The following CBLB variants were observed in gnomAD, a reference collection of about 807,000 sequenced individuals.
CBLB encodes E3 ubiquitin-protein ligase CBL-B.
Under a neutral mutation model 104.9 loss-of-function variants are expected in CBLB, and 31 were observed. The ratio of observed to expected loss-of-function variants is 0.30; its 90% CI spans 0.22 to 0.40. The LOEUF (loss-of-function observed/expected upper bound fraction) is 0.40, where lower values mean the gene tolerates loss of function less well. CBLB is among the 10% of genes least tolerant of loss of function. CBLB has a pLI of 1.00. For synonymous variants in CBLB, 440 were observed against 422.6 expected, an observed-to-expected ratio of 1.04 and a Z score of -0.51; for missense variants, 1,062 against 1,214.6, an observed-to-expected ratio of 0.87 and a Z score of 1.87.
intron 3 of CBLB, among the ~76,000 whole-genome samples, chr3:105,829,742 T>C (rs1205560967): frequency 7.0e-6 from 1 of 142,124 alleles, no homozygotes; most frequent in Non-Finnish European, 1.5e-5. Flanking sequence ...GGAAGATTTC[T>C]TCCAAAATCA....
chr3:105,823,763 CT>C (rs2086202922), intron 3 of CBLB, among the ~76,000 whole-genome samples: 1 of 152,108 alleles, frequency 6.6e-6, no homozygotes, highest in Admixed American at 6.6e-5. Flanking sequence ...AGCAACTAAT[CT>C]CTTGTGTTGA....
At chr3:105,733,291 A>G (rs1040427118) in intron 9 of CBLB, among the ~76,000 whole-genome samples, 10 of 150,886 alleles carry the variant, frequency 6.6e-5, no homozygotes, top group Non-Finnish European at 1.5e-4. Context: ...CAGGAGGCGG[A>G]GCTTGCTGTG....
chr3:105,745,892 T>G, intron 6 of CBLB, 25 bp downstream of exon 6: 1 of 1,603,594 alleles, frequency 6.2e-7, no homozygotes, highest in Non-Finnish European at 8.5e-7. Flanking sequence ...ATATATCACA[T>G]AATATTACTG....
chr3:105,787,700 C>T (rs1463569154), intron 3 of CBLB, among the ~76,000 whole-genome samples: 2 of 152,188 alleles, frequency 1.3e-5, no homozygotes, highest in Admixed American at 6.5e-5. Flanking sequence ...AGGCAGTATG[C>T]CAAGAATCTA....
intron 3 of CBLB, among the ~76,000 whole-genome samples, chr3:105,829,666 CAAAAAAAAA>C (rs71627689): frequency 6.4e-5 from 3 of 46,984 alleles, no homozygotes; most frequent in African/African-American, 1.5e-4. Flanking sequence ...AAGACCGTCC[CAAAAAAAAA>C]AAAAAAAAAA....
Position 105,678,478 on chromosome 3 carries a change from G to C in CBLB, c.2522C>G (p.Ser841Cys), listed in dbSNP as rs1352785553. The change falls in exon 17 of 19, where the codon TCC becomes TGC. Residue 841 changes from serine (S) to cysteine (C), a missense_variant. Coordinates refer to ENST00000394030, the MANE Select transcript of CBLB (RefSeq NM_170662.5). ...CTGTCCTGAGGATGGCCGGCTACTG[G>C]AGCCAGGAGGTTTTGAATGTTCAAT... ...SLIEHSKPPG[S>C]SSRPSSGQDL... is the part of the protein sequence containing the mutation. The C allele has an allele frequency of 3.1e-6, 5 of 1,614,058 alleles. No homozygotes were observed. The highest frequency in any genetic ancestry group is 1.3e-5 in the African/African-American group (1 of 75,036).
At chr3:105,721,458 T>C (rs2072808153) in intron 9 of CBLB, among the ~76,000 whole-genome samples, 2 of 152,158 alleles carry the variant, frequency 1.3e-5, no homozygotes, top group African/African-American at 4.8e-5. Context: ...GCTCAACAAA[T>C]TGAACACCTC....
intron 3 of CBLB, among the ~76,000 whole-genome samples, chr3:105,846,394 T>C (rs768389898): frequency 6.6e-6 from 1 of 152,082 alleles, no homozygotes; most frequent in Non-Finnish European, 1.5e-5. Context: ...AATTTATTTA[T>C]AAAAGACAAA....
Position 105,816,438 on chromosome 3 carries a change from A to C in CBLB, c.419+36976T>G, listed in dbSNP as rs577754478. Reference sequence around the variant, plus strand: ...GCACTTAAGCTATTCTTTCTTCAAAAGCTTGATTTTTGCAATGTTAAGCTC... The same window carrying C: ...GCACTTAAGCTATTCTTTCTTCAAACGCTTGATTTTTGCAATGTTAAGCTC... On this transcript the variant is annotated intron_variant, in intron 3 of 18. Transcript: ENST00000394030. Among the ~76,000 whole-genome samples, 4 of 152,302 alleles carry C rather than the reference A, an allele frequency of 2.6e-5. No individual in the cohort carries two copies. In the East Asian group the frequency reaches 7.7e-4, roughly 29 times the overall value.
chr3:105,757,398 T>C (rs549438496), intron 4 of CBLB, among the ~76,000 whole-genome samples: 4 of 152,302 alleles, frequency 2.6e-5, no homozygotes, highest in African/African-American at 9.6e-5. Context: ...CAACTATGTA[T>C]GATTTATGAT....
intron 3 of CBLB, among the ~76,000 whole-genome samples, chr3:105,830,570 T>C (rs1004028561): frequency 2.0e-5 from 3 of 152,242 alleles, no homozygotes; most frequent in Admixed American, 2.0e-4. Context: ...AAGACCAATT[T>C]CTGTATCTAA....
At chr3:105,660,643 G>T (rs192752484) in intron 18 of CBLB, among the ~76,000 whole-genome samples, 4 of 152,162 alleles carry the variant, frequency 2.6e-5, no homozygotes, top group Non-Finnish European at 5.9e-5. Context: ...ATGGTGATGT[G>T]AGGTTAAAAG....
chr3:105,787,831 T>G (rs1382719272), intron 3 of CBLB, among the ~76,000 whole-genome samples: 1 of 152,168 alleles, frequency 6.6e-6, no homozygotes, highest in Non-Finnish European at 1.5e-5. Flanking sequence ...TTTCTTTTTT[T>G]AACAATGAAA....
chr3:105,762,637 T>TGTA (rs1413606976), intron 4 of CBLB, among the ~76,000 whole-genome samples: 4 of 152,204 alleles, frequency 2.6e-5, no homozygotes, highest in African/African-American at 9.6e-5. Context: ...TTTCAGAAGA[T>TGTA]GTATGGAAAT....
At chr3:105,709,261 G>A (rs1343545291) in intron 10 of CBLB, among the ~76,000 whole-genome samples, 2 of 151,850 alleles carry the variant, frequency 1.3e-5, no homozygotes, top group African/African-American at 4.8e-5. Flanking sequence ...AACAACAAAT[G>A]ATAACAAGAA....
intron 16 of CBLB, among the ~76,000 whole-genome samples, chr3:105,679,808 G>C (rs1249051604): frequency 6.6e-6 from 1 of 151,634 alleles, no homozygotes; most frequent in Admixed American, 6.6e-5. Flanking sequence ...TACTGAACTT[G>C]CTTTAGAAAA....
intron 3 of CBLB, among the ~76,000 whole-genome samples, chr3:105,792,045 C>A (rs2081712370): frequency 6.6e-6 from 1 of 152,026 alleles, no homozygotes; most frequent in African/African-American, 2.4e-5. Flanking sequence ...AAATTTGGTC[C>A]TTAGACCATC....
intron 3 of CBLB, among the ~76,000 whole-genome samples, chr3:105,830,789 G>A (rs1021114016): frequency 1.3e-5 from 2 of 152,128 alleles, no homozygotes; most frequent in African/African-American, 4.8e-5. Flanking sequence ...AAAGCACAAT[G>A]AACCAAAAAC....
At chr3:105,801,301 C>T (rs1453311273) in intron 3 of CBLB, among the ~76,000 whole-genome samples, 1 of 152,094 alleles carries the variant, frequency 6.6e-6, no homozygotes, top group Non-Finnish European at 1.5e-5. Context: ...GATACTTAAT[C>T]ACTGTGTAAA....
Sources: allele counts gnomAD v4.1 joint callset (sites outside exome capture counted in the v4.1 genomes callset), GRCh38; gene constraint gnomAD v4.1.1; transcripts MANE v1.5; gene names NCBI Gene and HGNC (gene_info 2026-07-23, HGNC 2026-07-21).